Variants in CDH23 observed in about 807,000 individuals in gnomAD.
CDH23 encodes the protein cadherin-23.
In CDH23, 189 loss-of-function variants were observed where a neutral mutation model predicts 317.1. The observed-to-expected ratio is 0.60, with a 90% CI of 0.53 to 0.67. The LOEUF (loss-of-function observed/expected upper bound fraction) is 0.67, where lower values mean the gene tolerates loss of function less well. CDH23 is among the 30% of genes least tolerant of loss of function. The pLI, the probability that CDH23 is intolerant of heterozygous loss-of-function variation, is 0.00. For synonymous variants in CDH23, 1,839 were observed against 1,876.8 expected (o/e 0.98, Z 0.52); for missense variants, 4,401 against 4,592.4 (o/e 0.96, Z 1.20).
At chr10:71,429,986 G>A (rs565170036) in intron 1 of CDH23, among the ~76,000 whole-genome samples, 7 of 152,314 alleles carry the variant, frequency 4.6e-5, no homozygotes, top group East Asian at 1.9e-4. Context: ...AGGTGGCTTC[G>A]TAGATGAAGG....
At chr10:71,444,008 A>AT (rs930950361) in intron 2 of CDH23, among the ~76,000 whole-genome samples, 1 of 152,066 alleles carries the variant, frequency 6.6e-6, no homozygotes, top group Non-Finnish European at 1.5e-5. Context: ...ACTGCAGGTG[A>AT]TTTTTTTTCC....
At chr10:71,404,529 C>T (rs1848008646) in intron 1 of CDH23, among the ~76,000 whole-genome samples, 1 of 152,228 alleles carries the variant, frequency 6.6e-6, no homozygotes, top group African/African-American at 2.4e-5. Flanking sequence ...CTAGTCTTAC[C>T]ATTTTACAAG....
rs201475055 is a variant in CDH23 at position 71,679,448 on chromosome 10, C to G, written c.1814C>G (p.Ala605Gly). ...QITYSIVSAS[A>G]FGSYFDISLY... ...ACCTACAGCATTGTCAGTGCATCTG[C>G]CTTTGGCAGCTACTTCGACATCAGC... Residue 605 changes from alanine (A) to glycine (G), a missense_variant, in exon 17 of 70, where the codon GCC becomes GGC. Transcript: ENST00000224721. The G allele has an allele frequency of 6.2e-7, 1 of 1,613,552 alleles. No homozygotes were observed. The highest frequency in any genetic ancestry group is 1.1e-5 in the South Asian group (1 of 90,948).
chr10:71,651,413 G>C (rs1320571442), intron 14 of CDH23, among the ~76,000 whole-genome samples: 1 of 150,506 alleles, frequency 6.6e-6, no homozygotes, highest in Non-Finnish European at 1.5e-5. Flanking sequence ...TACACCTTTA[G>C]TTCCAGCTAC....
At chr10:71,537,460 A>G (rs1311700261) in intron 6 of CDH23, among the ~76,000 whole-genome samples, 1 of 152,232 alleles carries the variant, frequency 6.6e-6, no homozygotes, top group African/African-American at 2.4e-5. Context: ...AAACACATTC[A>G]TATAAGACAT....
Position 71,807,357 on chromosome 10 carries a change from A to G in CDH23, c.8259A>G (p.Ala2753=). The change falls in exon 58 of 70, where the codon GCA becomes GCG. Residue 2753 remains alanine (A), a synonymous_variant. Coordinates refer to ENST00000224721, the MANE Select transcript of CDH23 (RefSeq NM_022124.6). ...RGTLVGNVTG[A]VDADEGPNAI... ...CCCTCGTGGGCAACGTGACAGGCGC[A>G]GTGGATGCAGATGAGGGCCCCAACG... 1 of 1,613,886 alleles carries G rather than the reference A, an allele frequency of 6.2e-7. No homozygotes were observed.
intron 3 of CDH23, among the ~76,000 whole-genome samples, chr10:71,468,654 T>A (rs1410438468): frequency 6.6e-6 from 1 of 152,218 alleles, no homozygotes; most frequent in African/African-American, 2.4e-5. Context: ...CCCTGATCTG[T>A]CACTGGAAAT....
chr10:71,808,340 ATCCG>A (rs1038404527), intron 60 of CDH23, among the ~76,000 whole-genome samples: 48 of 151,702 alleles, frequency 3.2e-4, no homozygotes, highest in African/African-American at 1.0e-3. Context: ...TTATCCTTCC[ATCCG>A]TCCATCTGTC....
intron 11 of CDH23, among the ~76,000 whole-genome samples, chr10:71,632,594 A>T (rs1272897235): frequency 6.6e-6 from 1 of 152,096 alleles, no homozygotes; most frequent in Non-Finnish European, 1.5e-5. Flanking sequence ...CAGCAATGGG[A>T]GTGACAGAAG....
At chr10:71,574,410 G>A (rs1345554053) in intron 8 of CDH23, among the ~76,000 whole-genome samples, 1 of 152,180 alleles carries the variant, frequency 6.6e-6, no homozygotes, top group Non-Finnish European at 1.5e-5. Flanking sequence ...ACTGCCAGCC[G>A]ATGCCTATCA....
At chr10:71,438,527 C>T (rs1849725590) in intron 1 of CDH23, among the ~76,000 whole-genome samples, 1 of 152,122 alleles carries the variant, frequency 6.6e-6, no homozygotes, top group Admixed American at 6.5e-5. Context: ...AGGGTCACCT[C>T]ATTGTTCACT....
chr10:71,734,209 GTCAC>G, intron 32 of CDH23, 27 bp from the exon 33 acceptor site: 1 of 1,554,994 alleles, frequency 6.4e-7, no homozygotes, highest in East Asian at 2.3e-5. Context: ...GTGCGATGTT[GTCAC>G]TCACCCATCT....
At chr10:71,508,199 GTGTC>G (rs1352333678) in intron 3 of CDH23, 1 of 152,212 alleles carries the variant, frequency 6.6e-6, no homozygotes, top group Non-Finnish European at 1.5e-5. Context: ...AATGGACCTT[GTGTC>G]TGGCATATCA....
chr10:71,649,286 A>G (rs1863050336), intron 14 of CDH23, among the ~76,000 whole-genome samples: 1 of 152,212 alleles, frequency 6.6e-6, no homozygotes, highest in Admixed American at 6.5e-5. Flanking sequence ...AGGGACTGTA[A>G]AATTCCTTCT....
chr10:71,799,258 T>A lies in CDH23; in HGVS notation c.7202T>A (p.Ile2401Asn), dbSNP rs547155689. ...GTGGACATCAATGACAACAACCCCATCTTTGACCAGCCCTCCTACCAGGTG... is the reference window on the plus strand; with the variant it reads ...GTGGACATCAATGACAACAACCCCAACTTTGACCAGCCCTCCTACCAGGTG... ...EIVDINDNNP[I>N]FDQPSYQEAV... is the part of the protein sequence containing the mutation. The change falls in exon 51 of 70, where the codon ATC becomes AAC. Residue 2401 changes from isoleucine to asparagine, a missense_variant. This residue lies in a region of CDH23 where 189 missense variants were observed against 250.9 expected (regional missense o/e 0.75). Coordinates refer to ENST00000224721, the MANE Select transcript of CDH23 (RefSeq NM_022124.6). 1 of 1,614,034 alleles carries A rather than the reference T, an allele frequency of 6.2e-7. No homozygotes were observed. Among genetic ancestry groups the A allele is most frequent in the East Asian group, 2.2e-5 (1 of 44,884 alleles).
chr10:71,624,200 C>G (rs1481648748), intron 11 of CDH23, among the ~76,000 whole-genome samples: 1 of 152,198 alleles, frequency 6.6e-6, no homozygotes, highest in Non-Finnish European at 1.5e-5. Context: ...AACCCAGCTC[C>G]CACTTCAAGC....
chr10:71,571,059 T>C (rs1212298726), intron 8 of CDH23, 141 bp downstream of exon 8: 10 of 899,418 alleles, frequency 1.1e-5, no homozygotes, highest in Non-Finnish European at 1.5e-5. Context: ...GTGATGAGTG[T>C]TCTGGCACAG....
At chr10:71,597,010 G>T (rs1205624301) in intron 9 of CDH23, among the ~76,000 whole-genome samples, 2 of 152,206 alleles carry the variant, frequency 1.3e-5, no homozygotes, top group Admixed American at 1.3e-4. Context: ...GTAATCCCCA[G>T]CACACTCTGG....
Position 71,784,315 on chromosome 10 carries a change from G to A in CDH23, c.5397G>A (p.Gly1799=), listed in dbSNP as rs749913488. Residue 1799 remains glycine, a synonymous_variant, in exon 42 of 70, where the codon GGG becomes GGA. Transcript: ENST00000224721. ...AGTTTGTGATCTCTCCTGTGGAGGG[G>A]GTGCTAAGGGTCCGGAAGGACGTGG... ...LGEFVISPVE[G]VLRVRKDVEL... 6.4e-5 allele frequency: 104 copies of A among 1,613,874 alleles called. 2 individuals are homozygous for A. The East Asian group carries it at 2.2e-3, about 35-fold the overall frequency.
Sources: gnomAD v4.1 joint callset for allele counts (sites outside exome capture counted in the v4.1 genomes callset) on GRCh38, gnomAD v4.1.1 for gene constraint, gnomAD v4.1.1 regional missense constraint, MANE v1.5 for transcripts, NCBI Gene and HGNC (gene_info 2026-07-23, HGNC 2026-07-21) for gene names.